ACAD10: variants seen among roughly 807,000 people sequenced by gnomAD.
ACAD10 encodes ACAD-10.
Under a neutral mutation model 116.8 loss-of-function variants are expected in ACAD10, and 112 were observed. That is an observed-to-expected ratio of 0.96 (90% CI 0.82 to 1.12). The LOEUF is 1.12. Among genes scored for constraint, ACAD10 ranks in the 50% most tolerant of loss-of-function variants. The pLI is 0.00. For missense variants in ACAD10, 1,259 were observed against 1,350.2 expected, an observed-to-expected ratio of 0.93 and a Z score of 1.06; for synonymous variants, 486 against 510.6, an observed-to-expected ratio of 0.95 and a Z score of 0.65.
rs761665163 is a variant in ACAD10, at chr12:111,692,911, C to T, written c.187+15C>T. 6.2e-7 allele frequency: 1 copy of T among 1,612,430 alleles called. No homozygotes were observed. The highest frequency in any genetic ancestry group is 1.3e-5 in the African/African-American group (1 of 75,014). On this transcript the variant is annotated intron_variant, in intron 2 of 20. Transcript: ENST00000313698. ...AGTCGCTGCAGGTGAGCTATTGATT[C>T]TGTTTCACTTTGTGGGACTAGAGTG...
intron 6 of ACAD10, among the ~76,000 whole-genome samples, chr12:111,714,758 G>T (rs973761825): frequency 3.9e-5 from 6 of 151,910 alleles, no homozygotes; most frequent in Non-Finnish European, 8.8e-5. Context: ...TGTTGCCCAG[G>T]CTGGAGTGCA....
At chr12:111,738,333 C>G (rs1376741452) in intron 12 of ACAD10, among the ~76,000 whole-genome samples, 1 of 151,506 alleles carries the variant, frequency 6.6e-6, no homozygotes, top group Admixed American at 6.6e-5. Flanking sequence ...GTAATCCCAG[C>G]TACTTGGGAG....
At chr12:111,730,936 A>G (rs1889369357) in intron 10 of ACAD10, among the ~76,000 whole-genome samples, 1 of 151,860 alleles carries the variant, frequency 6.6e-6, no homozygotes, top group Non-Finnish European at 1.5e-5. Flanking sequence ...ATTTTTGGTA[A>G]TCCAAAAATA....
At chr12:111,703,829 G>T (rs981795883) in intron 3 of ACAD10, among the ~76,000 whole-genome samples, 3 of 151,886 alleles carry the variant, frequency 2.0e-5, no homozygotes, top group Admixed American at 6.6e-5. Context: ...GGGTGACAGA[G>T]TGAGACTCCA....
rs1889584910 is a variant in ACAD10 at position 111,736,987 on chromosome 12, A to G, written c.1697A>G (p.Tyr566Cys). Residue 566 changes from tyrosine to cysteine, a missense_variant, in exon 12 of 21, where the codon TAC (tyrosine) becomes TGC (cysteine). Transcript: ENST00000313698. Reference sequence around the variant, plus strand: ...GTGGCTGCAATCCTACAGGGAGTCTACAAGCGATCACTCACAGGTAATGGG... The same window carrying G: ...GTGGCTGCAATCCTACAGGGAGTCTGCAAGCGATCACTCACAGGTAATGGG... The part of the protein sequence containing the change: ...FRVAAILQGV[Y>C]KRSLTGQASS... The G allele has an allele frequency of 3.7e-6, 6 of 1,613,524 alleles. No homozygotes were observed. The South Asian group carries it at 5.5e-5, about 15-fold the overall frequency.
intron 11 of ACAD10, 46 bp from the exon 12 acceptor site, chr12:111,736,785 G>A (rs113383690): frequency 5.7e-6 from 9 of 1,569,486 alleles, no homozygotes; most frequent in African/African-American, 1.4e-5. Context: ...CCACAGGGGC[G>A]TGTCACGTCA....
chr12:111,743,170 C>CT (rs1462379909), intron 12 of ACAD10, among the ~76,000 whole-genome samples: 1 of 152,138 alleles, frequency 6.6e-6, no homozygotes, highest in Non-Finnish European at 1.5e-5. Flanking sequence ...ACATAGCAAT[C>CT]TGGATGTGTC....
intron 14 of ACAD10, among the ~76,000 whole-genome samples, chr12:111,746,504 C>T (rs1889903860): frequency 6.6e-6 from 1 of 152,114 alleles, no homozygotes; most frequent in Admixed American, 6.6e-5. Context: ...TCTCCTGCCT[C>T]AGCTTCCCAA....
intron 12 of ACAD10, among the ~76,000 whole-genome samples, chr12:111,743,369 GT>G (rs869257828): frequency 2.8e-3 from 381 of 136,390 alleles, no homozygotes; most frequent in South Asian, 9.5e-3. Flanking sequence ...GAAATATTCT[GT>G]TTTTTTTTTT....
In ACAD10 at chr12:111,755,706, C is replaced by T. The variant is rs1256176668; in HGVS notation, c.3000C>T (p.Ala1000=). 1 of 1,613,880 alleles carries T rather than the reference C, an allele frequency of 6.2e-7. No homozygotes were observed. The highest frequency in any genetic ancestry group is 8.5e-7 in the Non-Finnish European group (1 of 1,179,956). ...ATATAGCCATGATTAAAATGGTCGC[C>T]CCGTCCATGGCCTCCCGAGTGATTG... is the stretch of plus-strand genomic sequence containing the variant. ...ALDIAMIKMV[A]PSMASRVIDR... is the part of the protein sequence containing the mutation. The change falls in exon 20 of 21, where the codon GCC becomes GCT. Residue 1000 remains alanine (A), a synonymous_variant. Coordinates refer to ENST00000313698, the MANE Select transcript of ACAD10 (RefSeq NM_025247.6).
chr12:111,727,541 A>G (rs1327602633), intron 8 of ACAD10, among the ~76,000 whole-genome samples: 1 of 152,208 alleles, frequency 6.6e-6, no homozygotes, highest in Admixed American at 6.5e-5. Flanking sequence ...TAAAAAATAA[A>G]TAAATAAATA....
At chr12:111,714,389 G>A (rs1888781865) in intron 6 of ACAD10, among the ~76,000 whole-genome samples, 1 of 152,086 alleles carries the variant, frequency 6.6e-6, no homozygotes, top group Non-Finnish European at 1.5e-5. Flanking sequence ...TTTGGGCCAG[G>A]GGTGGTGGCT....
chr12:111,727,933 C>A, intron 8 of ACAD10, 29 bp from the exon 9 acceptor site: 1 of 1,582,526 alleles, frequency 6.3e-7, no homozygotes, highest in Non-Finnish European at 8.6e-7. Flanking sequence ...TGACTCTGAT[C>A]CCTGAAACCC....
At chr12:111,738,059 G>T (rs1320927151) in intron 12 of ACAD10, among the ~76,000 whole-genome samples, 1 of 151,992 alleles carries the variant, frequency 6.6e-6, no homozygotes, top group East Asian at 1.9e-4. Context: ...GTTTTGCCAT[G>T]TTGGCCAGGC....
chr12:111,750,816 G>A (rs1890054258), intron 18 of ACAD10, among the ~76,000 whole-genome samples: 1 of 152,142 alleles, frequency 6.6e-6, no homozygotes, highest in South Asian at 2.1e-4. Context: ...GAAAGGTGAC[G>A]CAAACCCTGA....
At chr12:111,737,701 C>T (rs1889612084) in intron 12 of ACAD10, among the ~76,000 whole-genome samples, 2 of 152,154 alleles carry the variant, frequency 1.3e-5, no homozygotes, top group South Asian at 4.1e-4. Context: ...TTCTCTCTCT[C>T]CTCCTACTTT....
intron 3 of ACAD10, among the ~76,000 whole-genome samples, chr12:111,702,881 C>T (rs191925910): frequency 1.0e-3 from 156 of 151,920 alleles, no homozygotes; most frequent in African/African-American, 3.5e-3. Context: ...AGTGTTTGAA[C>T]TCTGGAGTTT....
At chr12:111,755,909 G>A in intron 20 of ACAD10, 164 bp downstream of exon 20, 3 of 787,564 alleles carry the variant, frequency 3.8e-6, no homozygotes, top group Non-Finnish European at 6.4e-6. Flanking sequence ...ACCCAGCAAG[G>A]TGGGAGGTGC....
chr12:111,716,709 A>G (rs74915934), intron 7 of ACAD10, among the ~76,000 whole-genome samples: 2,373 of 151,766 alleles, frequency 0.016, 72 homozygotes, highest in African/African-American at 0.054. Context: ...ACGAAAAATT[A>G]GTTGGGTGTG....
Sources: gnomAD v4.1 joint callset for allele counts (sites outside exome capture counted in the v4.1 genomes callset) on GRCh38, gnomAD v4.1.1 for gene constraint, MANE v1.5 for transcripts, NCBI Gene and HGNC (gene_info 2026-07-23, HGNC 2026-07-21) for gene names.